DYNC2H1: variants seen among roughly 807,000 people sequenced by gnomAD.
DYNC2H1 encodes the protein dynein cytoplasmic 2 heavy chain 1.
In DYNC2H1, 410 loss-of-function variants were observed where a neutral mutation model predicts 570.0. The observed-to-expected ratio is 0.72, with a 90% confidence interval of 0.66 to 0.78. The LOEUF is 0.78. DYNC2H1 is among the 30% of genes least tolerant of loss of function. The pLI, the probability that DYNC2H1 is intolerant of heterozygous loss-of-function variation, is 0.00. For synonymous variants in DYNC2H1, 1,688 were observed against 1,677.6 expected (o/e 1.01, Z -0.15); for missense variants, 4,865 against 5,046.4 (o/e 0.96, Z 1.09).
At chr11:103,392,674 A>G (rs1228354444) in intron 83 of DYNC2H1, among the ~76,000 whole-genome samples, 1 of 152,004 alleles carries the variant, frequency 6.6e-6, no homozygotes, top group African/African-American at 2.4e-5. Context: ...CACATAAACC[A>G]CACCAAAAGG....
In DYNC2H1 at chr11:103,472,620, T is replaced by C. The variant is rs1289790197; in HGVS notation, c.12765+3915T>C. Among the ~76,000 whole-genome samples the C allele has an allele frequency of 6.6e-6, 1 of 152,108 alleles. No homozygotes were observed. The highest frequency in any genetic ancestry group is 1.5e-5 in the Non-Finnish European group (1 of 68,024). ...GAGTTCCACATTGGTAGCATTAGTG[T>C]CCAGACAATCATAGTGAACATTTAT... is the stretch of plus-strand genomic sequence containing the variant. On this transcript the variant is annotated intron_variant, in intron 88 of 88. Coordinates refer to ENST00000375735, the MANE Select transcript of DYNC2H1 (RefSeq NM_001377.3). This position sits in a 1 kb window ranked among gnomAD's most constrained non-coding sequence, Gnocchi z 4.1.
At chr11:103,368,238 T>A (rs1037209024) in intron 83 of DYNC2H1, among the ~76,000 whole-genome samples, 16 of 152,192 alleles carry the variant, frequency 1.1e-4, no homozygotes. Context: ...AAGTGTTCCC[T>A]TTTCTCAATA....
rs534081459 is a variant in DYNC2H1 at position 103,147,788 on chromosome 11, T to C, written c.2719T>C (p.Cys907Arg). Reference sequence around the variant, plus strand: ...ATTTTTCAGTGCTGTCAAGGTAGATTGTTTAAATATTAATTGCAACCCTGT... The same window carrying C: ...ATTTTTCAGTGCTGTCAAGGTAGATCGTTTAAATATTAATTGCAACCCTGT... ...ERLPSAVKVD[C>R]LNINCNPVKT... The change falls in exon 19 of 89, where the codon TGT becomes CGT. Residue 907 changes from cysteine (C) to arginine (R), a missense_variant. By Grantham distance (180) the Cys-to-Arg change is radical (BLOSUM62 -3). Transcript: ENST00000375735. 6.8e-6 allele frequency: 11 copies of C among 1,607,332 alleles called. No homozygotes were observed. The highest frequency in any genetic ancestry group is 6.7e-5 in the African/African-American group (5 of 74,884).
Position 103,241,447 on chromosome 11 carries a change from C to G in DYNC2H1, c.9820-2246C>G. The G allele has an allele frequency of 7.7e-7, 1 of 1,299,928 alleles. No homozygotes were observed. Among genetic ancestry groups the G allele is most frequent in the South Asian group, 1.3e-5 (1 of 77,564 alleles). The allele number at this position is 1,299,928 out of a possible 1,614,324, so 80.5% of individuals were successfully genotyped here. ...AGATGACAACAAACTTTTAAGTACC[C>G]TTTGAAAAACTTAAGCATGTTTTCT... On this transcript the variant is annotated intron_variant, in intron 63 of 88. Transcript: ENST00000375735. The surrounding 1 kb of genome is among the most constrained non-coding windows in gnomAD (Gnocchi z 5.1).
chr11:103,253,387 A>C lies in DYNC2H1; in HGVS notation c.10145A>C (p.Asp3382Ala). ...TRNPNPFIPP[D>A]AASIVTEVNF... Reference sequence around the variant, plus strand: ...AACCCAAATCCTTTTATTCCACCGGATGCAGCTTCCATTGTTACTGAGGTT... The same window carrying C: ...AACCCAAATCCTTTTATTCCACCGGCTGCAGCTTCCATTGTTACTGAGGTT... The change falls in exon 66 of 89, where the codon GAT becomes GCT. Residue 3382 changes from aspartate to alanine, a missense_variant. Asp to Ala is a moderately radical substitution (Grantham distance 126). This residue lies in a region of DYNC2H1 where 2,401 missense variants were observed against 2,454.6 expected (regional missense o/e 0.98). Transcript: ENST00000375735. 2 of 1,613,416 alleles carry C rather than the reference A, an allele frequency of 1.2e-6. No individual in the cohort carries two copies. Among genetic ancestry groups the C allele is most frequent in the Non-Finnish European group, 1.7e-6 (2 of 1,179,546 alleles).
At chr11:103,114,312 T>G (rs780495688) in intron 3 of DYNC2H1, 74 bp downstream of exon 3, 90 of 1,396,416 alleles carry the variant, frequency 6.4e-5, no homozygotes, top group Non-Finnish European at 7.3e-5. Flanking sequence ...TGAACATATT[T>G]CTTCATAGAT....
At chr11:103,146,802 C>T (rs926640137) in intron 18 of DYNC2H1, among the ~76,000 whole-genome samples, 1 of 152,048 alleles carries the variant, frequency 6.6e-6, no homozygotes, top group Non-Finnish European at 1.5e-5. Context: ...AGGGGTCTCA[C>T]CATGTGGGCC....
rs1213559271 is a variant in DYNC2H1, at chr11:103,173,218, T to A, written c.5471T>A (p.Leu1824His). The A allele has an allele frequency of 6.2e-7, 1 of 1,602,522 alleles. No individual in the cohort carries two copies. The highest frequency in any genetic ancestry group is 1.7e-5 in the Admixed American group (1 of 58,568). ...GCTATGTCTCATCCAGACAATGAGC[T>A]TATTGCAGAAGTTATTCTCTATTCG... Reference protein sequence around the residue: ...PVAMSHPDNELIAEVILYSEG... With the variant: ...PVAMSHPDNEHIAEVILYSEG... Residue 1824 changes from leucine (L) to histidine (H), a missense_variant, in exon 35 of 89, where the codon CTT becomes CAT. Leu to His is a moderately conservative substitution (Grantham distance 99, BLOSUM62 -3). Around this residue, in one of 5 missense-constraint regions of DYNC2H1, gnomAD observed 292 missense variants for 300.2 expected, o/e 0.97. Coordinates refer to ENST00000375735, the MANE Select transcript of DYNC2H1 (RefSeq NM_001377.3).
In DYNC2H1 at chr11:103,145,871, A is replaced by T. The variant is rs1424923637; in HGVS notation, c.2703-1901A>T. ...TATTGTGAATATTTTCAAATGAAAG[A>T]TGAATGTTAGCCTTGTCCACAGCAC... On this transcript the variant is annotated intron_variant, in intron 18 of 88. Coordinates refer to ENST00000375735, the MANE Select transcript of DYNC2H1 (RefSeq NM_001377.3). This position sits in a 1 kb window ranked among gnomAD's most constrained non-coding sequence, Gnocchi z 4.2. 2.6e-5 allele frequency among the ~76,000 whole-genome samples: 4 copies of T among 152,226 alleles called. No homozygotes were observed. Among genetic ancestry groups the T allele is most frequent in the Non-Finnish European group, 5.9e-5 (4 of 68,024 alleles).
intron 52 of DYNC2H1, among the ~76,000 whole-genome samples, chr11:103,207,241 TTAA>T (rs775522056): frequency 0.11 from 2,770 of 25,426 alleles, 80 homozygotes; most frequent in African/African-American, 0.37. Flanking sequence ...TTTTTTTTTT[TTAA>T]AAAAAGATGG....
intron 83 of DYNC2H1, among the ~76,000 whole-genome samples, chr11:103,373,782 C>G (rs943773401): frequency 2.6e-5 from 4 of 152,130 alleles, no homozygotes; most frequent in African/African-American, 9.7e-5. Flanking sequence ...AAAGTGGGGT[C>G]TTGGAATCCC....
chr11:103,203,538 G>A lies in DYNC2H1; in HGVS notation c.8198-125G>A. 1.6e-6 allele frequency: 1 copy of A among 620,050 alleles called. No individual in the cohort carries two copies. The highest frequency in any genetic ancestry group is 2.7e-6 in the Non-Finnish European group (1 of 368,904). The allele number at this position is 620,050 out of a possible 1,614,324, so 38.4% of individuals were successfully genotyped here. A position where few individuals can be genotyped will look rare whatever the true frequency, so the allele number is the denominator to read the frequency against. ...CTATAGATAAAGATTTGTGAGTCAA[G>A]TAGAGGTAATAAAGTTTGTATATTT... On this transcript the variant is annotated intron_variant, in intron 50 of 88. Transcript: ENST00000375735. The surrounding 1 kb of genome is among the most constrained non-coding windows in gnomAD (Gnocchi z 4.7).
chr11:103,410,728 G>C (rs1943051791), intron 84 of DYNC2H1, among the ~76,000 whole-genome samples: 1 of 152,088 alleles, frequency 6.6e-6, no homozygotes, highest in Admixed American at 6.6e-5. Flanking sequence ...CAACTTAAAT[G>C]GAGTTTAGCT....
At chr11:103,449,161 T>C (rs1591772637) in intron 85 of DYNC2H1, among the ~76,000 whole-genome samples, 2 of 152,132 alleles carry the variant, frequency 1.3e-5, no homozygotes, top group East Asian at 1.9e-4. Context: ...AAAAAGGGTT[T>C]TTTGAGAAAG....
rs185708106 is a variant in DYNC2H1 at position 103,241,477 on chromosome 11, T to C, written c.9820-2216T>C. ...AAAAACTTAAGCATGTTTTCTTTGC[T>C]AAAAACATTTTGAAATGTTACCTTT... On this transcript the variant is annotated intron_variant, in intron 63 of 88. Coordinates refer to ENST00000375735, the MANE Select transcript of DYNC2H1 (RefSeq NM_001377.3). This position sits in a 1 kb window ranked among gnomAD's most constrained non-coding sequence, Gnocchi z 5.1. 1.2e-5 allele frequency: 19 copies of C among 1,548,338 alleles called. No homozygotes were observed. In the East Asian group the frequency reaches 4.1e-4, roughly 33 times the overall value.
Position 103,158,680 on chromosome 11 carries a change from A to G in DYNC2H1, c.4131A>G (p.Ser1377=), listed in dbSNP as rs1286362477. The change falls in exon 27 of 89, where the codon TCA becomes TCG. Residue 1377 remains serine, a synonymous_variant. Transcript: ENST00000375735. ...GATACTTTTTTTTCTTTTGTAGATC[A>G]ATAATGACTGATATCAAGAAAGACA... ...RFNRVDEDFR[S]IMTDIKKDNR... 3 of 1,524,288 alleles carry G rather than the reference A, an allele frequency of 2.0e-6. No individual in the cohort carries two copies. Among genetic ancestry groups the G allele is most frequent in the Admixed American group, 4.4e-5 (2 of 45,124 alleles). The allele number at this position is 1,524,288 out of a possible 1,614,324, so 94.4% of individuals were successfully genotyped here. A position where few individuals can be genotyped will look rare whatever the true frequency, so the allele number is the denominator to read the frequency against.
chr11:103,133,695 A>G lies in DYNC2H1; in HGVS notation c.2094A>G (p.Thr698=), dbSNP rs778332363. Residue 698 remains threonine, a synonymous_variant, in exon 14 of 89, where the codon ACA becomes ACG. Coordinates refer to ENST00000375735, the MANE Select transcript of DYNC2H1 (RefSeq NM_001377.3). This position sits in a 1 kb window ranked among gnomAD's most constrained non-coding sequence, Gnocchi z 4.8. ...GAAAACTGAGAAAATGGCACACTAC[A>G]TTTTGTGAAAAGGTATATTTTGTTT... is the stretch of plus-strand genomic sequence containing the variant. ...ENRKLRKWHT[T]FCEKVVVLMN... 3 of 1,603,722 alleles carry G rather than the reference A, an allele frequency of 1.9e-6. No individual in the cohort carries two copies. Among genetic ancestry groups the G allele is most frequent in the Admixed American group, 1.7e-5 (1 of 58,470 alleles).
Position 103,451,302 on chromosome 11 carries a change from A to AATGAATCACTG in DYNC2H1, c.12457-3882_12457-3872dup, listed in dbSNP as rs1944590811. 2.0e-5 allele frequency among the ~76,000 whole-genome samples: 3 copies of AATGAATCACTG among 150,366 alleles called. No homozygotes were observed. The South Asian group carries it at 6.3e-4, about 31-fold the overall frequency. Reference sequence around the variant, plus strand: ...TATTCCCTTAATTTGCATTCCAAGAAATGAATCACTGAGTAAAAGGGCTTT... The same window carrying AATGAATCACTG: ...TATTCCCTTAATTTGCATTCCAAGAAATGAATCACTGATGAATCACTGAGTAAAAGGGCTTT... On this transcript the variant is annotated intron_variant, in intron 85 of 88. Coordinates refer to ENST00000375735, the MANE Select transcript of DYNC2H1 (RefSeq NM_001377.3).
At chr11:103,288,676 G>A (rs1344963197) in intron 75 of DYNC2H1, among the ~76,000 whole-genome samples, 3 of 78,476 alleles carry the variant, frequency 3.8e-5, no homozygotes, top group African/African-American at 1.0e-4. Flanking sequence ...GTGAAACCCC[G>A]TCTCTACTAA....
Sources: gnomAD v4.1 joint callset for allele counts (sites outside exome capture counted in the v4.1 genomes callset) on GRCh38, gnomAD v4.1.1 for gene constraint, gnomAD v4.1.1 regional missense constraint, Gnocchi (gnomAD v3.1) non-coding constraint, MANE v1.5 for transcripts, NCBI Gene and HGNC (gene_info 2026-07-23, HGNC 2026-07-21) for gene names.